MSN: variants seen among roughly 807,000 people sequenced by gnomAD.
MSN encodes the protein epididymis luminal protein 70.
Under a neutral mutation model 48.0 loss-of-function variants are expected in MSN, and 2 were observed. The ratio of observed to expected loss-of-function variants is 0.04; its 90% CI spans 0.02 to 0.13. The LOEUF (loss-of-function observed/expected upper bound fraction) is 0.13, where lower values mean the gene tolerates loss of function less well. Among genes scored for constraint, MSN ranks in the 10% least tolerant of loss-of-function variants. The pLI, the probability that MSN is intolerant of heterozygous loss-of-function variation, is 1.00. For synonymous variants in MSN, 146 were observed against 166.9 expected, an observed-to-expected ratio of 0.87 and a Z score of 0.97; for missense variants, 267 against 470.1, an observed-to-expected ratio of 0.57 and a Z score of 3.99.
intron 1 of MSN, among the ~76,000 whole-genome samples, chrX:65,613,619 C>T (rs1266736826): frequency 8.9e-6 from 1 of 112,119 alleles, no homozygotes; most frequent in Non-Finnish European, 1.9e-5. Context: ...TCTCTAATGA[C>T]CGGTGATGAT....
At chrX:65,709,384 A>G (rs893314131) in intron 1 of MSN, among the ~76,000 whole-genome samples, 1 of 112,421 alleles carries the variant, frequency 8.9e-6, no homozygotes, top group Non-Finnish European at 1.9e-5. Context: ...TTATCTCCAC[A>G]TTGAAGTTCA....
At chrX:65,639,504 G>T (rs759767303) in intron 1 of MSN, among the ~76,000 whole-genome samples, 6 of 111,978 alleles carry the variant, frequency 5.4e-5, no homozygotes, top group Non-Finnish European at 7.5e-5. Context: ...ACCCAAATCG[G>T]AATCTCCCAA....
At chrX:65,602,179 T>G (rs1430253595) in intron 1 of MSN, among the ~76,000 whole-genome samples, 1 of 112,464 alleles carries the variant, frequency 8.9e-6, no homozygotes, top group Non-Finnish European at 1.9e-5. Flanking sequence ...AGTGGATTTG[T>G]GTGCAAACTG....
At chrX:65,728,540 G>A (rs375344320) in intron 3 of MSN, among the ~76,000 whole-genome samples, 8 of 110,419 alleles carry the variant, frequency 7.2e-5, no homozygotes, top group East Asian at 2.8e-4. Context: ...TGATCCGCCC[G>A]CCTCGGCCTC....
chrX:65,687,059 C>G (rs1244263342), intron 1 of MSN, among the ~76,000 whole-genome samples: 1 of 111,887 alleles, frequency 8.9e-6, no homozygotes, highest in Non-Finnish European at 1.9e-5. Flanking sequence ...ATAAAACTCT[C>G]TTCTCGGCCA....
chrX:65,682,434 C>G (rs1457360205), intron 1 of MSN, among the ~76,000 whole-genome samples: 1 of 111,858 alleles, frequency 8.9e-6, no homozygotes, highest in Non-Finnish European at 1.9e-5. Flanking sequence ...CATTTGCATA[C>G]CCCCATTCCA....
At chrX:65,652,289 G>A (rs2070748387) in intron 1 of MSN, among the ~76,000 whole-genome samples, 1 of 111,504 alleles carries the variant, frequency 9.0e-6, no homozygotes, top group South Asian at 3.8e-4. Context: ...CACAGAGCCA[G>A]GATGATTTCA....
chrX:65,669,420 C>T (rs916781648), intron 1 of MSN, among the ~76,000 whole-genome samples: 2 of 111,566 alleles, frequency 1.8e-5, no homozygotes, highest in African/African-American at 6.5e-5. Flanking sequence ...CATATCTCAT[C>T]CTCAGTTCTG....
At chrX:65,616,061 C>G (rs1023741366) in intron 1 of MSN, among the ~76,000 whole-genome samples, 11 of 111,165 alleles carry the variant, frequency 9.9e-5, no homozygotes, top group Non-Finnish European at 1.9e-4. Flanking sequence ...TTCCATTGAT[C>G]TATATCTCTG....
intron 1 of MSN, among the ~76,000 whole-genome samples, chrX:65,676,590 T>G (rs958416336): frequency 5.4e-5 from 6 of 111,429 alleles, no homozygotes; most frequent in Non-Finnish European, 1.1e-4. Flanking sequence ...CTGAAAATTT[T>G]TTTCCTGGGT....
At chrX:65,650,052 CTTTTTTTTTT>C (rs59222247) in intron 1 of MSN, among the ~76,000 whole-genome samples, 23 of 53,194 alleles carry the variant, frequency 4.3e-4, no homozygotes, top group Non-Finnish European at 5.9e-4. Flanking sequence ...CCTTTTTTCT[CTTTTTTTTTT>C]TTTTTTTTTT....
chrX:65,612,038 A>AT (rs1050260509), intron 1 of MSN, among the ~76,000 whole-genome samples: 4 of 111,812 alleles, frequency 3.6e-5, no homozygotes, highest in African/African-American at 1.3e-4. Flanking sequence ...TACTTTGTCC[A>AT]TTTTTTAAAT....
At chrX:65,632,047 A>G (rs896416102) in intron 1 of MSN, among the ~76,000 whole-genome samples, 62 of 112,053 alleles carry the variant, frequency 5.5e-4, no homozygotes, top group African/African-American at 2.0e-3. Context: ...GTGAACAGAA[A>G]TGTTTAATAC....
intron 1 of MSN, among the ~76,000 whole-genome samples, chrX:65,655,499 G>T (rs960082797): frequency 8.9e-6 from 1 of 112,160 alleles, no homozygotes; most frequent in Non-Finnish European, 1.9e-5. Context: ...CCCAGAGTAT[G>T]GGGTCATGTA....
At chrX:65,589,944 C>T (rs2070132172) in intron 1 of MSN, among the ~76,000 whole-genome samples, 1 of 108,959 alleles carries the variant, frequency 9.2e-6, no homozygotes, top group African/African-American at 3.3e-5. Context: ...CGACTCAATG[C>T]AACCTCTGCC....
At chrX:65,625,410 T>C (rs1425500697) in intron 1 of MSN, 1 of 112,325 alleles carries the variant, frequency 8.9e-6, no homozygotes, top group Admixed American at 9.5e-5. Context: ...GAACAGTGTA[T>C]TTCTTCCTTC....
intron 1 of MSN, among the ~76,000 whole-genome samples, chrX:65,591,464 T>A (rs1025503434): frequency 8.9e-6 from 1 of 112,174 alleles, no homozygotes; most frequent in African/African-American, 3.2e-5. Flanking sequence ...AGTGCTATTA[T>A]GCTGTGGCCC....
chrX:65,594,343 A>T lies in MSN; in HGVS notation c.-22+5731A>T, dbSNP rs186396406. Among the ~76,000 whole-genome samples, 104 of 110,911 alleles carry T rather than the reference A, an allele frequency of 9.4e-4. 2 individuals carry two copies. Among genetic ancestry groups the T allele is most frequent in the African/African-American group, 3.4e-3 (104 of 30,483 alleles). ...TCATTAGCATCAGAGGTGGGTTGTT[A>T]GAATTTCCAAATAAAAGTAGAGAAG... On this transcript the variant is annotated intron_variant, in intron 1 of 3. Coordinates refer to the MSN transcript ENST00000609672.
intron 1 of MSN, among the ~76,000 whole-genome samples, chrX:65,654,039 G>A (rs1196937921): frequency 9.2e-6 from 1 of 108,471 alleles, no homozygotes; most frequent in Non-Finnish European, 1.9e-5. Flanking sequence ...GCCTCCCAGT[G>A]TGCTGGGATT....
Sources: allele counts gnomAD v4.1 joint callset (sites outside exome capture counted in the v4.1 genomes callset), GRCh38; gene constraint gnomAD v4.1.1; transcripts MANE v1.5; gene names NCBI Gene and HGNC (gene_info 2026-07-23, HGNC 2026-07-21).